The following CMTM7 variants were observed in gnomAD, a reference collection of about 807,000 sequenced individuals.
CMTM7 encodes the protein CKLF like MARVEL transmembrane domain containing 7.
CMTM7 carries 7 observed loss-of-function variants against 19.3 expected under a neutral mutation model. The ratio of observed to expected loss-of-function variants is 0.36; its 90% CI spans 0.21 to 0.68. CMTM7 has a LOEUF of 0.68. Ranked by LOEUF, CMTM7 falls within the 30% of genes least tolerant of loss-of-function variation. The probability of loss-of-function intolerance (pLI) is 0.60; values close to 1 mark genes in which losing one functional copy is unlikely to be tolerated. For synonymous variants in CMTM7, 87 were observed against 99.3 expected (o/e 0.88, Z 0.74); for missense variants, 193 against 232.6 (o/e 0.83, Z 1.11).
In CMTM7 at chr3:32,449,329, G is replaced by A; in HGVS notation, c.334-125G>A. ...GCGGCTCTGCTCATCCCATTTGCGT[G>A]TTGCAAGGGAGAAGAGGAAGCGTCA... On this transcript the variant is annotated intron_variant, in intron 2 of 4. Coordinates refer to ENST00000334983, the MANE Select transcript of CMTM7 (RefSeq NM_138410.4). The surrounding 1 kb of genome is among the most constrained non-coding windows in gnomAD (Gnocchi z 4.5). 2.6e-6 allele frequency: 2 copies of A among 763,258 alleles called. No individual in the cohort carries two copies. The highest frequency in any genetic ancestry group is 3.7e-5 in the Admixed American group (2 of 54,248). 47.3% of individuals were successfully genotyped at this position (763,258 alleles called of 1,614,324 possible).
intron 1 of CMTM7, among the ~76,000 whole-genome samples, chr3:32,400,066 T>C (rs12492557): frequency 0.19 from 28,248 of 152,092 alleles, 3,090 homozygotes; most frequent in Middle Eastern, 0.3. Flanking sequence ...GTTGCCCAGG[T>C]TGGAGTGCAG....
At chr3:32,392,120 G>A (rs1403961897) in intron 1 of CMTM7, 55 bp downstream of exon 1, 2 of 1,205,392 alleles carry the variant, frequency 1.7e-6, no homozygotes, top group Non-Finnish European at 2.1e-6. Flanking sequence ...CGGGAAAGCA[G>A]GGGTCCGGGA....
At chr3:32,423,047 G>A (rs1401498949) in intron 1 of CMTM7, among the ~76,000 whole-genome samples, 2 of 152,202 alleles carry the variant, frequency 1.3e-5, no homozygotes, top group Non-Finnish European at 2.9e-5. Context: ...GTTCATTGCT[G>A]ACATGACTGA....
intron 1 of CMTM7, among the ~76,000 whole-genome samples, chr3:32,404,913 T>G (rs940790915): frequency 1.3e-5 from 2 of 152,250 alleles, no homozygotes; most frequent in African/African-American, 4.8e-5. Context: ...GGTAAAAGCC[T>G]TAGAAGAAGT....
At chr3:32,451,981 A>T (rs960012006) in intron 3 of CMTM7, 11 of 866,676 alleles carry the variant, frequency 1.3e-5, no homozygotes, top group Non-Finnish European at 1.8e-5. Context: ...AATGCGAACA[A>T]CGCCACTACA....
rs1696883833 is a variant in CMTM7, at chr3:32,454,627, T to C, written c.*373T>C. On this transcript the variant is annotated 3_prime_UTR_variant, in exon 5 of 5. Transcript: ENST00000334983. ...CCTTCTACTTCACTCCTCAGGGGAGTGAAGTGCCTTAAGAAACAAAGCCCT... is the reference window on the plus strand; with the variant it reads ...CCTTCTACTTCACTCCTCAGGGGAGCGAAGTGCCTTAAGAAACAAAGCCCT... 2 of 402,068 alleles carry C rather than the reference T, an allele frequency of 5.0e-6. No individual in the cohort carries two copies. Among genetic ancestry groups the C allele is most frequent in the African/African-American group, 4.1e-5 (2 of 48,462 alleles). 24.9% of individuals were successfully genotyped at this position (402,068 alleles called of 1,614,324 possible).
intron 1 of CMTM7, among the ~76,000 whole-genome samples, chr3:32,402,050 C>A (rs892830861): frequency 3.9e-5 from 6 of 152,224 alleles, no homozygotes; most frequent in Non-Finnish European, 8.8e-5. Context: ...CTCTGCTGAG[C>A]CCGCTCTCTT....
intron 2 of CMTM7, among the ~76,000 whole-genome samples, chr3:32,445,592 A>G (rs1039629716): frequency 6.6e-6 from 1 of 152,098 alleles, no homozygotes; most frequent in Non-Finnish European, 1.5e-5. Flanking sequence ...GGCTCACTGC[A>G]GCCTTTATTT....
chr3:32,424,066 C>A (rs551045899), intron 1 of CMTM7, among the ~76,000 whole-genome samples: 1 of 152,310 alleles, frequency 6.6e-6, no homozygotes, highest in African/African-American at 2.4e-5. Context: ...GGTCGGGAAT[C>A]CAGACAGGGC....
intron 4 of CMTM7, 92 bp from the exon 5 acceptor site, chr3:32,454,149 C>A: frequency 7.2e-7 from 1 of 1,387,050 alleles, no homozygotes; most frequent in Non-Finnish European, 9.9e-7. Flanking sequence ...AGGTGCCCCC[C>A]TGAGCAGAAC....
chr3:32,413,482 C>A (rs1696210877), intron 1 of CMTM7, among the ~76,000 whole-genome samples: 1 of 152,180 alleles, frequency 6.6e-6, no homozygotes. Context: ...TATTAACACA[C>A]CTTTGGTCCA....
chr3:32,451,967 A>G, intron 3 of CMTM7: 1 of 755,886 alleles, frequency 1.3e-6, no homozygotes, highest in Non-Finnish European at 2.0e-6. Flanking sequence ...GTCATTACAA[A>G]TGAAATGCGA....
At chr3:32,428,326 G>A (rs1696463937) in intron 1 of CMTM7, among the ~76,000 whole-genome samples, 1 of 152,228 alleles carries the variant, frequency 6.6e-6, no homozygotes, top group South Asian at 2.1e-4. Flanking sequence ...GACTCCTGGG[G>A]CCACCTGCCT....
At position 32,391,969 on chromosome 3, in the gene CMTM7, G is replaced by C; in HGVS notation, c.63G>C (p.Gly21=). ...TCSSGSALGP[G]AGAAQPSASP... ...GCAGCGGCAGCGCGCTCGGACCCGG[G>C]GCCGGCGCGGCCCAGCCCAGCGCGA... The change falls in exon 1 of 5, where the codon GGG becomes GGC. Residue 21 remains glycine (G), a synonymous_variant. Transcript: ENST00000334983. 1.6e-6 allele frequency: 2 copies of C among 1,232,030 alleles called. No homozygotes were observed. The highest frequency in any genetic ancestry group is 2.0e-6 in the Non-Finnish European group (2 of 986,792). 76.3% of individuals were successfully genotyped at this position (1,232,030 alleles called of 1,614,324 possible).
At chr3:32,401,594 C>T (rs1696004512) in intron 1 of CMTM7, among the ~76,000 whole-genome samples, 1 of 152,272 alleles carries the variant, frequency 6.6e-6, no homozygotes, top group Non-Finnish European at 1.5e-5. Context: ...GTCTTCCTGC[C>T]AGCCCTGGCG....
chr3:32,430,962 A>G (rs1696509517), intron 1 of CMTM7, among the ~76,000 whole-genome samples: 1 of 152,178 alleles, frequency 6.6e-6, no homozygotes, highest in Admixed American at 6.5e-5. Flanking sequence ...TCATTCATTC[A>G]CTTATTCAGC....
chr3:32,439,514 C>T (rs1696645524), intron 1 of CMTM7, among the ~76,000 whole-genome samples: 1 of 152,140 alleles, frequency 6.6e-6, no homozygotes, highest in Admixed American at 6.5e-5. Context: ...AGTGCAGTGA[C>T]GTGATAATAG....
At chr3:32,394,573 G>A (rs1466340079) in intron 1 of CMTM7, among the ~76,000 whole-genome samples, 5 of 152,182 alleles carry the variant, frequency 3.3e-5, no homozygotes, top group Admixed American at 1.3e-4. Flanking sequence ...GTGTGTACTT[G>A]ACATGTCATT....
At position 32,423,866 on chromosome 3, in the gene CMTM7, C is replaced by T. The variant is rs544694046; in HGVS notation, c.160-17974C>T. Among the ~76,000 whole-genome samples the T allele has an allele frequency of 5.9e-5, 9 of 152,306 alleles. No homozygotes were observed. The South Asian group carries it at 1.9e-3, about 32-fold the overall frequency. ...ACAGATGGTGTCTCTTTCACCTGTG[C>T]CCGTCACTGTCCTCTGGATAGATTT... On this transcript the variant is annotated intron_variant, in intron 1 of 4. Transcript: ENST00000334983.
Sources: allele counts gnomAD v4.1 joint callset (sites outside exome capture counted in the v4.1 genomes callset), GRCh38; gene constraint gnomAD v4.1.1; non-coding constraint Gnocchi (gnomAD v3.1); transcripts MANE v1.5; gene names NCBI Gene and HGNC (gene_info 2026-07-23, HGNC 2026-07-21).